Variants in CACUL1 observed in about 807,000 individuals in gnomAD.
CACUL1 encodes the protein CDK2-associated and cullin domain-containing protein 1.
A neutral mutation model predicts 45.2 loss-of-function variants in CACUL1; 13 were observed. The ratio of observed to expected loss-of-function variants is 0.29; its 90% CI spans 0.19 to 0.46. The LOEUF (loss-of-function observed/expected upper bound fraction) is 0.46, where lower values mean the gene tolerates loss of function less well. Ranked by LOEUF, CACUL1 falls within the 20% of genes least tolerant of loss-of-function variation. CACUL1 has a pLI of 1.00. For synonymous variants in CACUL1, 197 were observed against 174.2 expected (o/e 1.13, Z -1.03); for missense variants, 421 against 471.4 (o/e 0.89, Z 0.99).
chr10:118,714,305 A>G (rs1845521067), intron 3 of CACUL1, among the ~76,000 whole-genome samples: 1 of 152,196 alleles, frequency 6.6e-6, no homozygotes, highest in Admixed American at 6.5e-5. Context: ...CATTTGGAAA[A>G]TACTGATTCT....
intron 3 of CACUL1, among the ~76,000 whole-genome samples, chr10:118,716,147 G>T (rs1323817879): frequency 6.6e-6 from 1 of 151,726 alleles, no homozygotes; most frequent in Non-Finnish European, 1.5e-5. Context: ...CAGGAGAATG[G>T]CATGAACCTG....
intron 7 of CACUL1, among the ~76,000 whole-genome samples, chr10:118,690,758 T>C (rs1260753490): frequency 6.6e-6 from 1 of 152,148 alleles, no homozygotes; most frequent in Non-Finnish European, 1.5e-5. Context: ...TTCTTCAAAA[T>C]GTATGGGCCG....
Position 118,697,901 on chromosome 10 carries a change from T to C in CACUL1, c.797-2671A>G, listed in dbSNP as rs553119172. On this transcript the variant is annotated intron_variant, in intron 5 of 8. Transcript: ENST00000369151. ...TAACAATAGAGCCTAGTAGTTTACTTTCAGCCAAAAATAGAAGCCACTTTA... is the reference window on the plus strand; with the variant it reads ...TAACAATAGAGCCTAGTAGTTTACTCTCAGCCAAAAATAGAAGCCACTTTA... Among the ~76,000 whole-genome samples, 4 of 152,312 alleles carry C rather than the reference T, an allele frequency of 2.6e-5. No homozygotes were observed. The South Asian group carries it at 8.3e-4, about 32-fold the overall frequency.
chr10:118,687,199 C>T (rs554684777), intron 7 of CACUL1, among the ~76,000 whole-genome samples: 4 of 152,232 alleles, frequency 2.6e-5, no homozygotes, highest in Non-Finnish European at 5.9e-5. Context: ...TTCTTCTCCA[C>T]GTGTAGTCCA....
chr10:118,713,133 G>A (rs936045152), intron 3 of CACUL1, among the ~76,000 whole-genome samples: 1 of 152,232 alleles, frequency 6.6e-6, no homozygotes, highest in Non-Finnish European at 1.5e-5. Flanking sequence ...AGGGGGCCGA[G>A]GCAGCAGAGG....
chr10:118,730,236 A>C, intron 2 of CACUL1, 48 bp downstream of exon 2: 1 of 1,597,110 alleles, frequency 6.3e-7, no homozygotes. Context: ...AAGTGCCTTG[A>C]ACCTTAGTAT....
chr10:118,724,938 T>C (rs1163972513), intron 3 of CACUL1, among the ~76,000 whole-genome samples: 2 of 152,242 alleles, frequency 1.3e-5, no homozygotes, highest in Admixed American at 1.3e-4. Context: ...CAGGCAAGTG[T>C]AGGTCCTAAT....
At chr10:118,729,419 C>G (rs1303773409) in intron 2 of CACUL1, 22 bp from the exon 3 acceptor site, 2 of 1,556,884 alleles carry the variant, frequency 1.3e-6, no homozygotes, top group African/African-American at 2.7e-5. Context: ...ACAAAAACCC[C>G]CACAAACCAA....
rs374996984 is a variant in CACUL1, at chr10:118,714,193, G to T, written c.598-6606C>A. ...GTTGTGATGTGTTATTTTCTGAAACGATCAATGAATGTTTTGTACTCTATT... is the reference window on the plus strand; with the variant it reads ...GTTGTGATGTGTTATTTTCTGAAACTATCAATGAATGTTTTGTACTCTATT... On this transcript the variant is annotated intron_variant, in intron 3 of 8. Transcript: ENST00000369151. Among the ~76,000 whole-genome samples, 6 of 152,236 alleles carry T rather than the reference G, an allele frequency of 3.9e-5. No individual in the cohort carries two copies. In the East Asian group the frequency reaches 1.2e-3, roughly 29 times the overall value.
chr10:118,678,098 T>C lies in CACUL1; in HGVS notation c.*8030A>G, dbSNP rs1845115082. 6.6e-6 allele frequency: 1 copy of C among 152,250 alleles called. No individual in the cohort carries two copies. The allele number at this position is 152,250 out of a possible 1,614,324, so 9.4% of individuals were successfully genotyped here. A position where few individuals can be genotyped will look rare whatever the true frequency, so the allele number is the denominator to read the frequency against. On this transcript the variant is annotated 3_prime_UTR_variant, in exon 9 of 9. Transcript: ENST00000369151. ...TAATGAGGCTGAACATCTTTTCACA[T>C]TTATGGGCCATTTCTGTTTCTTCTG...
At chr10:118,708,164 A>T (rs1845451342) in intron 3 of CACUL1, among the ~76,000 whole-genome samples, 1 of 151,308 alleles carries the variant, frequency 6.6e-6, no homozygotes. Context: ...AAAAAAAAAA[A>T]AAAGATGCAC....
At chr10:118,729,091 CAA>C (rs1845676344) in intron 3 of CACUL1, 1 of 484,238 alleles carries the variant, frequency 2.1e-6, no homozygotes, top group Admixed American at 4.1e-5. Context: ...ATATTTAATC[CAA>C]AAATTTCCAC....
intron 1 of CACUL1, among the ~76,000 whole-genome samples, chr10:118,752,678 G>T (rs994921995): frequency 3.3e-5 from 5 of 152,118 alleles, no homozygotes; most frequent in Admixed American, 3.3e-4. Context: ...ATTTTCCAGT[G>T]CAACTTGCAA....
intron 5 of CACUL1, among the ~76,000 whole-genome samples, chr10:118,700,274 T>C (rs1231383639): frequency 6.6e-6 from 1 of 152,154 alleles, no homozygotes; most frequent in African/African-American, 2.4e-5. Context: ...TGACTTGATG[T>C]GTCACATAAG....
intron 1 of CACUL1, among the ~76,000 whole-genome samples, chr10:118,733,585 A>G (rs1247153242): frequency 6.6e-6 from 1 of 152,214 alleles, no homozygotes; most frequent in Non-Finnish European, 1.5e-5. Context: ...ACTCCTAGCT[A>G]TTTGTTCAGT....
At chr10:118,714,638 T>C (rs942801809) in intron 3 of CACUL1, among the ~76,000 whole-genome samples, 2 of 152,232 alleles carry the variant, frequency 1.3e-5, no homozygotes, top group African/African-American at 4.8e-5. Flanking sequence ...TACCGTTCTA[T>C]GCAGAAAAGC....
intron 1 of CACUL1, among the ~76,000 whole-genome samples, chr10:118,749,001 T>G (rs184421500): frequency 2.7e-4 from 41 of 152,226 alleles, no homozygotes; most frequent in Admixed American, 1.0e-3. Context: ...ACTTAGTACG[T>G]GGAGAAATGA....
chr10:118,742,072 C>T (rs1386578488), intron 1 of CACUL1, among the ~76,000 whole-genome samples: 1 of 152,166 alleles, frequency 6.6e-6, no homozygotes, highest in Admixed American at 6.5e-5. Flanking sequence ...CATAATGTAT[C>T]ATAATTACCT....
At position 118,730,415 on chromosome 10, in the gene CACUL1, A is replaced by G; in HGVS notation, c.368-5T>C. The G allele has an allele frequency of 6.2e-7, 1 of 1,600,646 alleles. No individual in the cohort carries two copies. Among genetic ancestry groups the G allele is most frequent in the Non-Finnish European group, 8.5e-7 (1 of 1,172,292 alleles). On this transcript the variant is annotated splice_region_variant and splice_polypyrimidine_tract_variant and intron_variant, in intron 1 of 8. Coordinates refer to ENST00000369151, the MANE Select transcript of CACUL1 (RefSeq NM_153810.5). ...CAATAGTTATAACATTCATTACTAAAAGTAAAAAGTAAAATAAATATTACT... is the reference window on the plus strand; with the variant it reads ...CAATAGTTATAACATTCATTACTAAGAGTAAAAAGTAAAATAAATATTACT...
Sources: allele counts gnomAD v4.1 joint callset (sites outside exome capture counted in the v4.1 genomes callset), GRCh38; gene constraint gnomAD v4.1.1; transcripts MANE v1.5; gene names NCBI Gene and HGNC (gene_info 2026-07-23, HGNC 2026-07-21).